Variants in NTN1 observed in about 807,000 individuals in gnomAD.
NTN1 encodes netrin 1.
Under a neutral mutation model 54.2 loss-of-function variants are expected in NTN1, and 11 were observed. The observed-to-expected ratio is 0.20, with a 90% CI of 0.13 to 0.34. NTN1 has a LOEUF of 0.34. Ranked by LOEUF, NTN1 falls within the 10% of genes least tolerant of loss-of-function variation. The pLI is 1.00. For missense variants in NTN1, 740 were observed against 893.1 expected (o/e 0.83, Z 2.18); for synonymous variants, 371 against 382.0 (o/e 0.97, Z 0.33).
chr17:9,059,339 C>G (rs1397991418), intron 2 of NTN1, among the ~76,000 whole-genome samples: 1 of 152,160 alleles, frequency 6.6e-6, no homozygotes, highest in African/African-American at 2.4e-5. Flanking sequence ...GAACTGAAAA[C>G]AGGTATTCAG....
chr17:9,073,243 C>A (rs1039877761), intron 2 of NTN1, among the ~76,000 whole-genome samples: 2 of 151,990 alleles, frequency 1.3e-5, no homozygotes, highest in Non-Finnish European at 2.9e-5. Context: ...TCCTGAGCGC[C>A]GAGACTTGGG....
chr17:9,106,818 A>G (rs1449476910), intron 2 of NTN1, among the ~76,000 whole-genome samples: 2 of 151,602 alleles, frequency 1.3e-5, no homozygotes, highest in African/African-American at 4.8e-5. Flanking sequence ...CTGGGCCCCA[A>G]AATGGCATTT....
chr17:9,203,961 T>C (rs918656268), intron 5 of NTN1, among the ~76,000 whole-genome samples: 2 of 152,120 alleles, frequency 1.3e-5, no homozygotes, highest in African/African-American at 4.8e-5. Flanking sequence ...CTTCAAAAGT[T>C]TTGAAGGCTG....
In NTN1 at chr17:9,172,131, G is replaced by A. The variant is rs189900745; in HGVS notation, c.1208-7676G>A. On this transcript the variant is annotated intron_variant, in intron 3 of 6. Coordinates refer to ENST00000173229, the MANE Select transcript of NTN1 (RefSeq NM_004822.3). ...TCGAACTCCCAACCTCAGGTGATCC[G>A]CCCACCTGGTAATCCCAAAGTGCCG... Among the ~76,000 whole-genome samples the A allele has an allele frequency of 7.5e-4, 114 of 152,070 alleles. 1 individual carries two copies. Among genetic ancestry groups the A allele is most frequent in the Admixed American group, 4.3e-3 (66 of 15,284 alleles).
the NTN1 span, among the ~76,000 whole-genome samples, chr17:9,010,738 C>T: frequency 6.6e-6 from 1 of 152,088 alleles, no homozygotes; most frequent in African/African-American, 2.4e-5. Context: ...CAATGGGTTG[C>T]AATTAAGGGC....
At chr17:9,057,206 A>G (rs986098459) in intron 2 of NTN1, among the ~76,000 whole-genome samples, 3 of 151,368 alleles carry the variant, frequency 2.0e-5, no homozygotes, top group African/African-American at 7.3e-5. Context: ...GCATGACCAA[A>G]GGACCCCTGT....
At chr17:9,134,830 C>A (rs987866848) in intron 2 of NTN1, among the ~76,000 whole-genome samples, 25 of 152,298 alleles carry the variant, frequency 1.6e-4, no homozygotes, top group African/African-American at 5.5e-4. Context: ...TAGGTATTTG[C>A]AGACTGGAAA....
intron 2 of NTN1, among the ~76,000 whole-genome samples, chr17:9,052,689 G>A (rs561585046): frequency 1.3e-5 from 2 of 152,364 alleles, no homozygotes; most frequent in African/African-American, 4.8e-5. Flanking sequence ...GAGGTAGGAA[G>A]ATAGCTTGAG....
intron 5 of NTN1, among the ~76,000 whole-genome samples, chr17:9,218,800 G>A (rs1905267154): frequency 6.6e-6 from 1 of 152,146 alleles, no homozygotes; most frequent in Admixed American, 6.5e-5. Flanking sequence ...CACAGCCTAT[G>A]CTATCTACAA....
At chr17:9,225,517 GC>G (rs1469879169) in intron 6 of NTN1, among the ~76,000 whole-genome samples, 1 of 152,180 alleles carries the variant, frequency 6.6e-6, no homozygotes, top group Non-Finnish European at 1.5e-5. Context: ...CTGAGGCAAG[GC>G]CTCCAGTGGG....
At chr17:9,005,939 A>T in the NTN1 span, among the ~76,000 whole-genome samples, 2 of 152,162 alleles carry the variant, frequency 1.3e-5, no homozygotes, top group African/African-American at 4.8e-5. Flanking sequence ...GACAGTACAA[A>T]TGTGCCCAGA....
intron 2 of NTN1, among the ~76,000 whole-genome samples, chr17:9,139,508 C>G (rs770398119): frequency 6.6e-6 from 1 of 152,152 alleles, no homozygotes; most frequent in Non-Finnish European, 1.5e-5. Context: ...AAGGAGTCCA[C>G]GCTGCCCTCT....
In NTN1 at chr17:9,241,405, C is replaced by G. The variant is rs1239067511; in HGVS notation, c.*1437C>G. 1 of 152,780 alleles carries G rather than the reference C, an allele frequency of 6.5e-6. No individual in the cohort carries two copies. The highest frequency in any genetic ancestry group is 1.5e-5 in the Non-Finnish European group (1 of 68,416). The allele number at this position is 152,780 out of a possible 1,614,324, so 9.5% of individuals were successfully genotyped here. The stretch of plus-strand genomic sequence containing the variant: ...CCTCAAGCAGGCAGCCCCTTTTGTT[C>G]TGACCTCCTCACACAGGGTCCATTC... On this transcript the variant is annotated 3_prime_UTR_variant, in exon 7 of 7. Coordinates refer to ENST00000173229, the MANE Select transcript of NTN1 (RefSeq NM_004822.3).
At chr17:9,007,065 T>C in the NTN1 span, among the ~76,000 whole-genome samples, 3 of 152,256 alleles carry the variant, frequency 2.0e-5, no homozygotes, top group Admixed American at 2.0e-4. Flanking sequence ...ATGGTTATAA[T>C]TACGAGTACA....
At chr17:9,095,326 T>A (rs2092127656) in intron 2 of NTN1, among the ~76,000 whole-genome samples, 1 of 152,246 alleles carries the variant, frequency 6.6e-6, no homozygotes, top group South Asian at 2.1e-4. Context: ...ACTTCTGCCT[T>A]TGGTGTCATT....
chr17:9,079,028 C>T (rs1250686902), intron 2 of NTN1, among the ~76,000 whole-genome samples: 3 of 152,266 alleles, frequency 2.0e-5, no homozygotes, highest in Admixed American at 6.5e-5. Flanking sequence ...GCTCCTCAGC[C>T]TCTCCCTCTA....
rs543651256 is a variant in NTN1, at chr17:9,143,500, C to T, written c.1019-19313C>T. Among the ~76,000 whole-genome samples, 26 of 152,328 alleles carry T rather than the reference C, an allele frequency of 1.7e-4. 1 individual carries two copies. Among genetic ancestry groups the T allele is most frequent in the African/African-American group, 6.0e-4 (25 of 41,564 alleles). On this transcript the variant is annotated intron_variant, in intron 2 of 6. Coordinates refer to ENST00000173229, the MANE Select transcript of NTN1 (RefSeq NM_004822.3). Reference sequence around the variant, plus strand: ...CTGTGCCCTTTTGGTTTTTACATTGCCTGCTCTGTCTTCTACCTCATGGTC... The same window carrying T: ...CTGTGCCCTTTTGGTTTTTACATTGTCTGCTCTGTCTTCTACCTCATGGTC...
rs553491863 is a variant in NTN1, at chr17:9,168,665, G to T, written c.1207+5664G>T. ...GTGTGTGTGTGAATATGTGTGTTTA[G>T]ATCTGATCATTTGTGGATTTATTCA... On this transcript the variant is annotated intron_variant, in intron 3 of 6. Coordinates refer to ENST00000173229, the MANE Select transcript of NTN1 (RefSeq NM_004822.3). Among the ~76,000 whole-genome samples, 300 of 152,356 alleles carry T rather than the reference G, an allele frequency of 2.0e-3. 8 individuals carry two copies. Among genetic ancestry groups the T allele is most frequent in the Middle Eastern group, 3.4e-3 (1 of 294 alleles).
intron 2 of NTN1, among the ~76,000 whole-genome samples, chr17:9,098,087 G>A (rs188929932): frequency 2.3e-3 from 354 of 152,208 alleles, no homozygotes; most frequent in Non-Finnish European, 1.9e-4. Flanking sequence ...ACTTCCTACC[G>A]TTATCATGAC....
Sources: allele counts gnomAD v4.1 joint callset (sites outside exome capture counted in the v4.1 genomes callset), GRCh38; gene constraint gnomAD v4.1.1; transcripts MANE v1.5; gene names NCBI Gene and HGNC (gene_info 2026-07-23, HGNC 2026-07-21).